The following SMC1B variants were observed in gnomAD, a reference collection of about 807,000 sequenced individuals.
SMC1B encodes structural maintenance of chromosomes 1B.
A neutral mutation model predicts 157.9 loss-of-function variants in SMC1B; 60 were observed. The observed-to-expected ratio is 0.38, with a 90% CI of 0.31 to 0.47. The LOEUF is 0.47. Ranked by LOEUF, SMC1B falls within the 20% of genes least tolerant of loss-of-function variation. The pLI, the probability that SMC1B is intolerant of heterozygous loss-of-function variation, is 0.99. For missense variants in SMC1B, 1,165 were observed against 1,426.2 expected, an observed-to-expected ratio of 0.82 and a Z score of 2.95; for synonymous variants, 445 against 483.0, an observed-to-expected ratio of 0.92 and a Z score of 1.03.
chr22:45,373,765 A>G (rs539430377), intron 12 of SMC1B, among the ~76,000 whole-genome samples: 1 of 152,252 alleles, frequency 6.6e-6, no homozygotes, highest in Non-Finnish European at 1.5e-5. Context: ...TGGCGGTTCC[A>G]TAACTTTAAA....
rs1043566535 is a variant in SMC1B at position 45,383,704 on chromosome 22, A to C, written c.1912-91T>G. 5.5e-5 allele frequency: 63 copies of C among 1,148,630 alleles called. 1 individual carries two copies. In the South Asian group the frequency reaches 1.0e-3, roughly 18 times the overall value. 71.2% of individuals were successfully genotyped at this position (1,148,630 alleles called of 1,614,324 possible). The stretch of plus-strand genomic sequence containing the variant: ...GTCAATTTTTAAAGCTAAGAATAAA[A>C]CATATGAGAAAAGCCACTTACTGAA... On this transcript the variant is annotated intron_variant, in intron 11 of 24. Coordinates refer to ENST00000357450, the MANE Select transcript of SMC1B (RefSeq NM_148674.5).
In SMC1B at chr22:45,361,984, C is replaced by G; in HGVS notation, c.2563G>C (p.Ala855Pro). ...GSEDIDHLKK[A>P]EENCLQTVNE... is the part of the protein sequence containing the mutation. ...ACTGTCTGCAGACAGTTTTCTTCAG[C>G]CTGAACAGAGAGGATCTGCATTGTA... is the stretch of plus-strand genomic sequence containing the variant. The change falls in exon 17 of 25, where the codon GCT (alanine) becomes CCT (proline). Residue 855 changes from alanine to proline, a missense_variant and splice_region_variant. Ala to Pro is a conservative substitution (Grantham distance 27). Coordinates refer to ENST00000357450, the MANE Select transcript of SMC1B (RefSeq NM_148674.5). 1.2e-6 allele frequency: 2 copies of G among 1,613,206 alleles called. No homozygotes were observed. Among genetic ancestry groups the G allele is most frequent in the Non-Finnish European group, 1.7e-6 (2 of 1,179,734 alleles).
Position 45,371,457 on chromosome 22 carries a change from A to G in SMC1B, c.2313+14T>C, listed in dbSNP as rs370231929. On this transcript the variant is annotated intron_variant, in intron 14 of 24. Coordinates refer to ENST00000357450, the MANE Select transcript of SMC1B (RefSeq NM_148674.5). ...CTACATATACCATTTAGGAATAAAT[A>G]TAACATTCATGACCTTATCTATCTT... is the stretch of plus-strand genomic sequence containing the variant. 2.2e-5 allele frequency: 34 copies of G among 1,574,712 alleles called. No homozygotes were observed. The highest frequency in any genetic ancestry group is 1.7e-4 in the Middle Eastern group (1 of 5,828).
rs75957731 is a variant in SMC1B at position 45,367,775 on chromosome 22, C to T, written c.2420+2179G>A. 7.3e-3 allele frequency among the ~76,000 whole-genome samples: 1,114 copies of T among 152,286 alleles called. 18 individuals are homozygous for T. The highest frequency in any genetic ancestry group is 0.026 in the African/African-American group (1,075 of 41,562). On this transcript the variant is annotated intron_variant, in intron 15 of 24. Coordinates refer to ENST00000357450, the MANE Select transcript of SMC1B (RefSeq NM_148674.5). Reference sequence around the variant, plus strand: ...GGAAATTTTTCTGCACACTTGGTGCCTGACATATTGGGATAAGGGCACCAC... The same window carrying T: ...GGAAATTTTTCTGCACACTTGGTGCTTGACATATTGGGATAAGGGCACCAC...
intron 10 of SMC1B, among the ~76,000 whole-genome samples, chr22:45,388,167 A>G (rs1196993948): frequency 6.6e-6 from 1 of 152,256 alleles, no homozygotes; most frequent in East Asian, 1.9e-4. Flanking sequence ...ATATATTACC[A>G]AAACCCAGCA....
chr22:45,354,495 A>G (rs2086650958), intron 20 of SMC1B, among the ~76,000 whole-genome samples: 1 of 152,086 alleles, frequency 6.6e-6, no homozygotes, highest in Non-Finnish European at 1.5e-5. Flanking sequence ...GGTTCAAGCA[A>G]TTCTCCTGCC....
In SMC1B at chr22:45,371,592, T is replaced by C. The variant is rs768541133; in HGVS notation, c.2197-5A>G. ...ACTTTGTAACTGAGATTGTTCCTAA[T>C]AACAAAAGAGAAAAATTTTTTTAAC... On this transcript the variant is annotated splice_polypyrimidine_tract_variant and splice_region_variant and intron_variant, in intron 13 of 24. Coordinates refer to ENST00000357450, the MANE Select transcript of SMC1B (RefSeq NM_148674.5). The C allele has an allele frequency of 6.3e-7, 1 of 1,576,866 alleles. No homozygotes were observed. Among genetic ancestry groups the C allele is most frequent in the Non-Finnish European group, 8.6e-7 (1 of 1,167,300 alleles).
chr22:45,352,570 AGGTTCTTCAG>A lies in SMC1B; in HGVS notation c.3296_3305del (p.Pro1099LeufsTer50), dbSNP rs2086626209. 6.2e-7 allele frequency: 1 copy of A among 1,613,002 alleles called. No homozygotes were observed. Among genetic ancestry groups the A allele is most frequent in the Non-Finnish European group, 8.5e-7 (1 of 1,179,188 alleles). ...AGTTATAGCTAATTCCCTCCAAGTA[AGGTTCTTCAG>A]GGTTCTCTGGGCTAAGAAATGCCTG... On this transcript the variant is annotated frameshift_variant, in exon 22 of 25. Coordinates refer to ENST00000357450, the MANE Select transcript of SMC1B (RefSeq NM_148674.5). LOFTEE classifies it high-confidence loss of function.
chr22:45,349,725 T>TA lies in SMC1B; in HGVS notation c.3495+2dup, dbSNP rs781311982. 1 of 1,610,636 alleles carries TA rather than the reference T, an allele frequency of 6.2e-7. No homozygotes were observed. The highest frequency in any genetic ancestry group is 8.5e-7 in the Non-Finnish European group (1 of 1,177,868). ...CTATTGAAAATGAAAAGCAGAAACT[T>TA]ACTTTGCCTATGTTAGTATTGTCTA... On this transcript the variant is annotated splice_region_variant and intron_variant, in intron 23 of 24. Transcript: ENST00000357450.
At position 45,389,751 on chromosome 22, in the gene SMC1B, T is replaced by A; in HGVS notation, c.1692A>T (p.Arg564Ser). The change falls in exon 10 of 25, where the codon AGA becomes AGT. Residue 564 changes from arginine to serine, a missense_variant. By Grantham distance (110) the Arg-to-Ser change is moderately radical. Transcript: ENST00000357450. Reference sequence around the variant, plus strand: ...GAGCGAGGAATGTCTCAGGTTCAGCTCTTTCCTCCTTCAGAAATCGAATAC... The same window carrying A: ...GAGCGAGGAATGTCTCAGGTTCAGCACTTTCCTCCTTCAGAAATCGAATAC... Reference protein sequence around the residue: ...KDCIRFLKEERAEPETFLALD... With the variant: ...KDCIRFLKEESAEPETFLALD... 1 of 1,614,126 alleles carries A rather than the reference T, an allele frequency of 6.2e-7. No individual in the cohort carries two copies. Among genetic ancestry groups the A allele is most frequent in the Non-Finnish European group, 8.5e-7 (1 of 1,179,986 alleles).
intron 17 of SMC1B, among the ~76,000 whole-genome samples, chr22:45,361,114 T>A (rs1007303730): frequency 1.8e-4 from 27 of 152,160 alleles, no homozygotes; most frequent in African/African-American, 6.0e-4. Context: ...TCTCCATTAC[T>A]GATGAGGAAA....
At chr22:45,382,794 A>G (rs2086949624) in intron 12 of SMC1B, among the ~76,000 whole-genome samples, 1 of 152,194 alleles carries the variant, frequency 6.6e-6, no homozygotes, top group Admixed American at 6.5e-5. Flanking sequence ...ATTACAGAGG[A>G]CCATTAAATT....
intron 12 of SMC1B, among the ~76,000 whole-genome samples, chr22:45,374,613 C>G (rs899231399): frequency 2.6e-5 from 4 of 152,150 alleles, no homozygotes; most frequent in Admixed American, 6.5e-5. Flanking sequence ...CAATTGTTTT[C>G]CTTCTTTTTT....
At chr22:45,409,381 C>A (rs192578988) in intron 1 of SMC1B, among the ~76,000 whole-genome samples, 2 of 151,890 alleles carry the variant, frequency 1.3e-5, no homozygotes, top group African/African-American at 2.4e-5. Flanking sequence ...CTGGCCAACA[C>A]GGTGAAGCCC....
intron 8 of SMC1B, 128 bp downstream of exon 8, chr22:45,394,557 G>A (rs1047390749): frequency 1.8e-6 from 2 of 1,127,448 alleles, no homozygotes; most frequent in Non-Finnish European, 1.1e-6. Context: ...CGTCATGTGA[G>A]CCCCGGAAGT....
At chr22:45,360,144 T>A (rs142507356) in intron 17 of SMC1B, among the ~76,000 whole-genome samples, 186 bp from the exon 18 acceptor site, 1 of 152,210 alleles carries the variant, frequency 6.6e-6, no homozygotes, top group East Asian at 1.9e-4. Context: ...AGGTCACGAA[T>A]ATACTCAGTT....
intron 21 of SMC1B, 58 bp downstream of exon 21, chr22:45,353,920 A>AAAAAAC: frequency 1.2e-6 from 1 of 810,948 alleles, no homozygotes; most frequent in Non-Finnish European, 1.8e-6. Context: ...AAAAAAAAAA[A>AAAAAAC]CAACCACCAC....
intron 15 of SMC1B, among the ~76,000 whole-genome samples, chr22:45,369,048 T>C (rs1371521812): frequency 6.6e-6 from 1 of 152,186 alleles, no homozygotes; most frequent in Non-Finnish European, 1.5e-5. Context: ...AAATTACCAC[T>C]TACTATCTAC....
chr22:45,360,639 T>TA (rs1220927932), intron 17 of SMC1B, among the ~76,000 whole-genome samples: 4,416 of 143,518 alleles, frequency 0.031, 202 homozygotes, highest in African/African-American at 0.1. Context: ...CCTCATTTCT[T>TA]AAAAAAAAAA....
Sources: gnomAD v4.1 joint callset for allele counts (sites outside exome capture counted in the v4.1 genomes callset) on GRCh38, gnomAD v4.1.1 for gene constraint, MANE v1.5 for transcripts, NCBI Gene and HGNC (gene_info 2026-07-23, HGNC 2026-07-21) for gene names.